Variants in ESYT2 observed in about 807,000 individuals in gnomAD.
ESYT2 encodes the protein extended synaptotagmin-2.
In ESYT2, 54 loss-of-function variants were observed where a neutral mutation model predicts 107.2. The observed-to-expected ratio is 0.50, with a 90% CI of 0.40 to 0.63. The LOEUF is 0.63. ESYT2 is among the 30% of genes least tolerant of loss of function. The pLI is 0.00. For missense variants in ESYT2, 1,020 were observed against 1,094.5 expected (o/e 0.93, Z 0.96); for synonymous variants, 491 against 434.1 (o/e 1.13, Z -1.63).
intron 9 of ESYT2, among the ~76,000 whole-genome samples, chr7:158,763,420 A>G (rs842439): frequency 0.94 from 142,197 of 151,208 alleles, 66,910 homozygotes; most frequent in Middle Eastern, 0.96. Flanking sequence ...TCAGCCTCCC[A>G]AGTAGCTGGG....
intron 6 of ESYT2, among the ~76,000 whole-genome samples, chr7:158,779,333 A>C (rs1310817477): frequency 6.6e-6 from 1 of 152,146 alleles, no homozygotes; most frequent in East Asian, 1.9e-4. Flanking sequence ...CCACTCTATG[A>C]TTCCTTCTGT....
intron 3 of ESYT2, among the ~76,000 whole-genome samples, chr7:158,795,916 TGCACAGGAG>T (rs1839443708): frequency 6.6e-6 from 1 of 152,114 alleles, no homozygotes. Context: ...CACGTAAGGC[TGCACAGGAG>T]GCACGGGGTC....
chr7:158,754,196 T>C (rs1447411579), intron 13 of ESYT2, among the ~76,000 whole-genome samples: 1 of 149,732 alleles, frequency 6.7e-6, no homozygotes, highest in African/African-American at 2.6e-5. Context: ...TTTTTTGTTT[T>C]GTTTTTATTT....
chr7:158,800,146 T>G (rs1169871518), intron 1 of ESYT2, among the ~76,000 whole-genome samples: 1 of 151,530 alleles, frequency 6.6e-6, no homozygotes, highest in African/African-American at 2.4e-5. Context: ...CCTCCCGGGT[T>G]CAAGTGATTC....
chr7:158,780,516 A>C (rs975857824), intron 6 of ESYT2, among the ~76,000 whole-genome samples: 6 of 152,256 alleles, frequency 3.9e-5, no homozygotes, highest in Non-Finnish European at 8.8e-5. Context: ...TCTTAGAATC[A>C]TTTCAGAAAA....
intron 1 of ESYT2, among the ~76,000 whole-genome samples, chr7:158,825,482 T>G (rs543661964): frequency 6.6e-6 from 1 of 152,242 alleles, no homozygotes; most frequent in East Asian, 1.9e-4. Context: ...GGAAAAGAAG[T>G]GAAGAATAAC....
chr7:158,814,408 T>A (rs79833575), intron 1 of ESYT2, among the ~76,000 whole-genome samples: 14 of 147,004 alleles, frequency 9.5e-5, no homozygotes, highest in Non-Finnish European at 1.6e-4. Flanking sequence ...TAAAAATATA[T>A]GTTACTCGTC....
At chr7:158,775,130 C>T (rs1838509183) in intron 6 of ESYT2, among the ~76,000 whole-genome samples, 1 of 152,182 alleles carries the variant, frequency 6.6e-6, no homozygotes, top group Non-Finnish European at 1.5e-5. Context: ...CCAAGGCATA[C>T]TTAAGTGTGC....
intron 14 of ESYT2, 41 bp from the exon 15 acceptor site, chr7:158,749,764 C>T (rs1399450402): frequency 3.2e-6 from 5 of 1,575,044 alleles, no homozygotes; most frequent in Non-Finnish European, 4.4e-6. Context: ...TAAATAAACA[C>T]ATTTTAAATG....
At chr7:158,734,813 G>C (rs190112608) in intron 21 of ESYT2, among the ~76,000 whole-genome samples, 5 of 152,278 alleles carry the variant, frequency 3.3e-5, no homozygotes, top group African/African-American at 1.2e-4. Context: ...CATAAAGTAG[G>C]CTAAGACAAT....
chr7:158,754,002 C>A (rs184763193), intron 13 of ESYT2, among the ~76,000 whole-genome samples: 1 of 152,122 alleles, frequency 6.6e-6, no homozygotes, highest in Non-Finnish European at 1.5e-5. Flanking sequence ...AGAGAGGCTG[C>A]GGTGTGTGGG....
chr7:158,789,854 A>G (rs992718470), intron 4 of ESYT2, among the ~76,000 whole-genome samples: 1 of 152,120 alleles, frequency 6.6e-6, no homozygotes, highest in Non-Finnish European at 1.5e-5. Flanking sequence ...TTGTTCAGAG[A>G]CGTAAATGTG....
intron 1 of ESYT2, among the ~76,000 whole-genome samples, chr7:158,827,985 G>A (rs760235731): frequency 3.9e-5 from 6 of 152,076 alleles, no homozygotes; most frequent in Admixed American, 6.6e-5. Context: ...GAGAACTGCC[G>A]GGTTAAAAAT....
intron 6 of ESYT2, among the ~76,000 whole-genome samples, chr7:158,774,176 A>C (rs1391719730): frequency 1.3e-5 from 2 of 152,246 alleles, no homozygotes; most frequent in East Asian, 3.8e-4. Flanking sequence ...GCATGATCTC[A>C]ATCACCCATA....
intron 21 of ESYT2, 59 bp from the exon 22 acceptor site, chr7:158,734,530 T>C (rs1836850667): frequency 6.6e-7 from 1 of 1,512,178 alleles, no homozygotes; most frequent in East Asian, 2.3e-5. Flanking sequence ...GGCTCCCGTC[T>C]GTAATCCCAG....
At chr7:158,813,440 G>T (rs962658906) in intron 1 of ESYT2, among the ~76,000 whole-genome samples, 1 of 152,042 alleles carries the variant, frequency 6.6e-6, no homozygotes, top group Admixed American at 6.5e-5. Context: ...TATCAACTCG[G>T]GCTCATTAGT....
intron 19 of ESYT2, among the ~76,000 whole-genome samples, chr7:158,738,640 A>G (rs1044341094): frequency 2.0e-5 from 3 of 151,930 alleles, no homozygotes; most frequent in Non-Finnish European, 2.9e-5. Context: ...TTTAGTAGAG[A>G]CAGGGTTTCT....
intron 18 of ESYT2, among the ~76,000 whole-genome samples, chr7:158,739,803 C>T (rs1204037398): frequency 3.3e-5 from 5 of 152,008 alleles, no homozygotes; most frequent in East Asian, 1.9e-4. Flanking sequence ...CCCCCCCCTT[C>T]GCAGTTCAGA....
At position 158,788,835 on chromosome 7, in the gene ESYT2, C is replaced by CTT. The variant is rs1400899565; in HGVS notation, c.585-419_585-418insAA. 2.0e-5 allele frequency among the ~76,000 whole-genome samples: 3 copies of CTT among 152,188 alleles called. No individual in the cohort carries two copies. In the East Asian group the frequency reaches 5.8e-4, roughly 29 times the overall value. ...TTAAAAAGTTTAATTTTATTTCACA[C>CTT]AAATAAATTTCACACCTTGCTTCCC... On this transcript the variant is annotated intron_variant, in intron 4 of 22. Transcript: ENST00000275418.
Sources: allele counts gnomAD v4.1 joint callset (sites outside exome capture counted in the v4.1 genomes callset), GRCh38; gene constraint gnomAD v4.1.1; transcripts MANE v1.5; gene names NCBI Gene and HGNC (gene_info 2026-07-23, HGNC 2026-07-21).